Variants in TUSC3 observed in about 807,000 individuals in gnomAD.
TUSC3 encodes dolichyl-diphosphooligosaccharide--protein glycosyltransferase subunit TUSC3.
In TUSC3, 45 loss-of-function variants were observed where a neutral mutation model predicts 44.8. The observed-to-expected ratio is 1.00, with a 90% CI of 0.79 to 1.29. TUSC3 has a LOEUF of 1.29. Among genes scored for constraint, TUSC3 ranks in the 50% most tolerant of loss-of-function variants. TUSC3 has a pLI of 0.00. For synonymous variants in TUSC3, 212 were observed against 152.9 expected (o/e 1.39, Z -2.85); for missense variants, 519 against 437.9 (o/e 1.19, Z -1.65).
intron 1 of TUSC3, among the ~76,000 whole-genome samples, chr8:15,457,934 GATGA>G (rs1481140656): frequency 6.6e-6 from 1 of 150,538 alleles, no homozygotes; most frequent in African/African-American, 2.4e-5. Flanking sequence ...GTACTCCAAT[GATGA>G]ATGAATCTTA....
chr8:15,742,962 G>A (rs920154020), intron 7 of TUSC3, among the ~76,000 whole-genome samples: 3 of 152,218 alleles, frequency 2.0e-5, no homozygotes, highest in South Asian at 4.1e-4. Flanking sequence ...TCATTCTTAA[G>A]GTATCAGTTA....
At chr8:15,495,044 A>C (rs1800862498) in intron 2 of TUSC3, among the ~76,000 whole-genome samples, 1 of 152,228 alleles carries the variant, frequency 6.6e-6, no homozygotes, top group African/African-American at 2.4e-5. Context: ...CTAGGATAAT[A>C]GCCTCCAGCT....
chr8:15,673,856 A>G lies in TUSC3; in HGVS notation c.798+20A>G, dbSNP rs770579768. On this transcript the variant is annotated intron_variant, in intron 6 of 10. Coordinates refer to ENST00000503731, the MANE Select transcript of TUSC3 (RefSeq NM_006765.4). ...CAAGTGGTAAGTGTAATTTATAAGC[A>G]TGAATATTCTGAAGTTTAATCCAGC... 6.9e-6 allele frequency: 11 copies of G among 1,589,196 alleles called. No homozygotes were observed. Among genetic ancestry groups the G allele is most frequent in the Middle Eastern group, 1.7e-4 (1 of 6,034 alleles).
At chr8:15,747,341 C>A (rs536837029) in intron 8 of TUSC3, among the ~76,000 whole-genome samples, 84 of 151,988 alleles carry the variant, frequency 5.5e-4, no homozygotes, top group Non-Finnish European at 1.0e-3. Context: ...GTTTAGAATT[C>A]TCTGAAGTGA....
rs548871024 is a variant in TUSC3 at position 15,600,951 on chromosome 8, A to C, written c.139-22129A>C. On this transcript the variant is annotated intron_variant, in intron 1 of 10. Coordinates refer to ENST00000503731, the MANE Select transcript of TUSC3 (RefSeq NM_006765.4). ...AGCCAATGTGTTCAGATACTGTGCT[A>C]AATACTTTGTATTTAGTTAAAATAA... is the stretch of plus-strand genomic sequence containing the variant. Among the ~76,000 whole-genome samples, 37 of 151,808 alleles carry C rather than the reference A, an allele frequency of 2.4e-4. No individual in the cohort carries two copies. In the East Asian group the frequency reaches 6.2e-3, roughly 25 times the overall value.
chr8:15,803,748 C>A, the TUSC3 span, among the ~76,000 whole-genome samples: 3 of 152,060 alleles, frequency 2.0e-5, no homozygotes, highest in African/African-American at 7.2e-5. Flanking sequence ...TGGTGTTCCC[C>A]TCCCTGTGTC....
At chr8:15,735,988 A>G (rs1810921886) in intron 7 of TUSC3, among the ~76,000 whole-genome samples, 1 of 151,572 alleles carries the variant, frequency 6.6e-6, no homozygotes, top group Non-Finnish European at 1.5e-5. Flanking sequence ...TTGGCCTCCC[A>G]AAGTGCTGGG....
the TUSC3 span, among the ~76,000 whole-genome samples, chr8:15,835,211 A>C: frequency 6.6e-6 from 1 of 152,180 alleles, no homozygotes; most frequent in Non-Finnish European, 1.5e-5. Context: ...CATCCTTTAC[A>C]TTCAGGTTTG....
In TUSC3 at chr8:15,424,053, C is replaced by T. The variant is rs147731785; in HGVS notation, n.91+6748C>T. 2.0e-4 allele frequency among the ~76,000 whole-genome samples: 24 copies of T among 121,718 alleles called. No individual in the cohort carries two copies. The South Asian group carries it at 5.9e-3, about 30-fold the overall frequency. The allele number at this position is 121,718 out of a possible 152,430, so 79.9% of individuals were successfully genotyped here. A position where few individuals can be genotyped will look rare whatever the true frequency, so the allele number is the denominator to read the frequency against. ...TTGCCCATGCTGGAGTGCACTGGTG[C>T]TATCTTGGCTCACTGCAACCTCTAC... On this transcript the variant is annotated intron_variant and non_coding_transcript_variant, in intron 1 of 5. Transcript: ENST00000503191.
the TUSC3 span, among the ~76,000 whole-genome samples, chr8:15,831,077 AG>A: frequency 6.6e-6 from 1 of 152,186 alleles, no homozygotes; most frequent in African/African-American, 2.4e-5. Context: ...GGATTACCTC[AG>A]CCCCAACCCA....
At chr8:15,582,129 C>A (rs553145652) in intron 1 of TUSC3, among the ~76,000 whole-genome samples, 1 of 152,222 alleles carries the variant, frequency 6.6e-6, no homozygotes, top group Non-Finnish European at 1.5e-5. Flanking sequence ...TGACCCCTTG[C>A]GCTTCCCAAG....
At chr8:15,646,067 A>C (rs1806614467) in intron 2 of TUSC3, among the ~76,000 whole-genome samples, 2 of 152,286 alleles carry the variant, frequency 1.3e-5, no homozygotes, top group South Asian at 2.1e-4. Context: ...TAATAAGAAC[A>C]GCTATGCATA....
At chr8:15,581,542 G>C (rs755060604) in intron 1 of TUSC3, among the ~76,000 whole-genome samples, 2,828 of 148,186 alleles carry the variant, frequency 0.019, 13 homozygotes, top group Non-Finnish European at 0.029. Context: ...TAACAGACAG[G>C]ACCCTCAGCT....
At chr8:15,477,992 C>T (rs756976890) in intron 1 of TUSC3, among the ~76,000 whole-genome samples, 2 of 152,068 alleles carry the variant, frequency 1.3e-5, no homozygotes, top group Non-Finnish European at 2.9e-5. Flanking sequence ...CAGTCTCGTT[C>T]TGTTGCCCAG....
At chr8:15,679,856 C>T (rs1243200329) in intron 6 of TUSC3, among the ~76,000 whole-genome samples, 1 of 151,880 alleles carries the variant, frequency 6.6e-6, no homozygotes, top group African/African-American at 2.4e-5. Context: ...GTTTATTCCC[C>T]ATTGTTTGTG....
the TUSC3 span, among the ~76,000 whole-genome samples, chr8:15,848,056 A>G: frequency 2.8e-4 from 42 of 152,234 alleles, no homozygotes; most frequent in African/African-American, 9.6e-4. Flanking sequence ...AGGACTCACT[A>G]TAGGAGGGTA....
At chr8:15,421,005 C>T (rs1380542070) in intron 1 of TUSC3, among the ~76,000 whole-genome samples, 1 of 152,118 alleles carries the variant, frequency 6.6e-6, no homozygotes, top group Non-Finnish European at 1.5e-5. Flanking sequence ...TTTATCTCTT[C>T]CCAAGACTTC....
At chr8:15,567,772 A>G (rs1482555946) in intron 1 of TUSC3, among the ~76,000 whole-genome samples, 2 of 152,174 alleles carry the variant, frequency 1.3e-5, no homozygotes, top group Non-Finnish European at 2.9e-5. Context: ...CCTCTCTACA[A>G]AATTTTGTGG....
intron 1 of TUSC3, among the ~76,000 whole-genome samples, chr8:15,610,639 G>C (rs1804720713): frequency 6.6e-6 from 1 of 152,082 alleles, no homozygotes; most frequent in South Asian, 2.1e-4. Context: ...TTTTGCCTTT[G>C]AACCAGAGAA....
Sources: gnomAD v4.1 joint callset for allele counts (sites outside exome capture counted in the v4.1 genomes callset) on GRCh38, gnomAD v4.1.1 for gene constraint, MANE v1.5 for transcripts, NCBI Gene and HGNC (gene_info 2026-07-23, HGNC 2026-07-21) for gene names.